Variants in WNK1 observed in about 807,000 individuals in gnomAD.
WNK1 encodes the protein serine/threonine-protein kinase WNK1.
WNK1 carries 38 observed loss-of-function variants against 222.8 expected under a neutral mutation model. That is an observed-to-expected ratio of 0.17 (90% CI 0.13 to 0.22). The LOEUF (loss-of-function observed/expected upper bound fraction) is 0.22, where lower values mean the gene tolerates loss of function less well. Ranked by LOEUF, WNK1 falls within the 10% of genes least tolerant of loss-of-function variation. WNK1 has a pLI of 1.00. For missense variants in WNK1, 2,348 were observed against 2,918.4 expected, an observed-to-expected ratio of 0.80 and a Z score of 4.50; for synonymous variants, 1,090 against 1,092.9, an observed-to-expected ratio of 1.00 and a Z score of 0.05.
chr12:782,970 T>C (rs922374637), intron 1 of WNK1, among the ~76,000 whole-genome samples: 6 of 151,944 alleles, frequency 3.9e-5, no homozygotes, highest in African/African-American at 1.5e-4. Context: ...GGTGCACGAT[T>C]ATGGCTCACT....
Position 865,218 on chromosome 12 carries a change from A to G in WNK1, c.2139+2948A>G, listed in dbSNP as rs1951559238. 5.2e-6 allele frequency: 8 copies of G among 1,535,718 alleles called. No homozygotes were observed. In the South Asian group the frequency reaches 7.1e-5, roughly 14 times the overall value. ...CCACCCCACCGCCAGTACTGTCTGCACCTCTTTCTCCTTCCCTCCTCCGGA... is the reference window on the plus strand; with the variant it reads ...CCACCCCACCGCCAGTACTGTCTGCGCCTCTTTCTCCTTCCCTCCTCCGGA... On this transcript the variant is annotated intron_variant, in intron 8 of 27. Transcript: ENST00000315939.
At chr12:872,887 C>G (rs1451601444) in intron 9 of WNK1, among the ~76,000 whole-genome samples, 2 of 152,216 alleles carry the variant, frequency 1.3e-5, no homozygotes, top group African/African-American at 4.8e-5. Context: ...AAGGCACTTT[C>G]TACAGAAACA....
Position 759,571 on chromosome 12 carries a change from T to G in WNK1, c.759+5247T>G, listed in dbSNP as rs1940720244. On this transcript the variant is annotated intron_variant, in intron 1 of 27. Coordinates refer to ENST00000315939, the MANE Select transcript of WNK1 (RefSeq NM_018979.4). ...GTCTTGAACACCTGACCTCGTGATCTGCCCGCCTTGGCCTCCCAAAGTCCT... is the reference window on the plus strand; with the variant it reads ...GTCTTGAACACCTGACCTCGTGATCGGCCCGCCTTGGCCTCCCAAAGTCCT... Among the ~76,000 whole-genome samples the G allele has an allele frequency of 2.7e-5, 4 of 147,800 alleles. 1 individual carries two copies. The South Asian group carries it at 8.8e-4, about 33-fold the overall frequency.
intron 4 of WNK1, among the ~76,000 whole-genome samples, chr12:832,180 A>G (rs1287407158): frequency 2.6e-5 from 4 of 151,992 alleles, no homozygotes; most frequent in African/African-American, 7.3e-5. Flanking sequence ...GGTTCACGCT[A>G]TTCTCCTGCC....
chr12:803,777 TAAG>T (rs1946097284), intron 1 of WNK1, among the ~76,000 whole-genome samples: 1 of 152,114 alleles, frequency 6.6e-6, no homozygotes, highest in Non-Finnish European at 1.5e-5. Context: ...GGCAAAACAT[TAAG>T]AAGTGACAAA....
chr12:877,387 G>A (rs894788701), intron 9 of WNK1, among the ~76,000 whole-genome samples: 1 of 152,112 alleles, frequency 6.6e-6, no homozygotes, highest in African/African-American at 2.4e-5. Context: ...TTGTTAGACA[G>A]AAGGGGCAGT....
At chr12:856,599 G>C (rs1292131936) in intron 4 of WNK1, among the ~76,000 whole-genome samples, 1 of 152,032 alleles carries the variant, frequency 6.6e-6, no homozygotes, top group Admixed American at 6.6e-5. Flanking sequence ...CTTTCGTATG[G>C]GTCCAATATA....
In WNK1 at chr12:884,372, A is replaced by G; in HGVS notation, c.3844+129A>G. Reference sequence around the variant, plus strand: ...AAAAGAATAGAAAACTGAAGTTATAACCAACAGATAAACATATGGGAGAGG... The same window carrying G: ...AAAAGAATAGAAAACTGAAGTTATAGCCAACAGATAAACATATGGGAGAGG... On this transcript the variant is annotated intron_variant, in intron 18 of 27. Coordinates refer to ENST00000315939, the MANE Select transcript of WNK1 (RefSeq NM_018979.4). The surrounding 1 kb of genome is among the most constrained non-coding windows in gnomAD (Gnocchi z 5.6). 7.1e-7 allele frequency: 1 copy of G among 1,409,036 alleles called. No homozygotes were observed. The highest frequency in any genetic ancestry group is 1.4e-5 in the African/African-American group (1 of 70,224). The allele number at this position is 1,409,036 out of a possible 1,614,324, so 87.3% of individuals were successfully genotyped here.
intron 4 of WNK1, among the ~76,000 whole-genome samples, chr12:845,791 A>T (rs1949985051): frequency 1.3e-5 from 2 of 152,224 alleles, no homozygotes; most frequent in Admixed American, 1.3e-4. Context: ...AACCAGTGAC[A>T]TTCAGCAAAT....
At chr12:869,121 C>T in intron 8 of WNK1, 1 of 1,613,888 alleles carries the variant, frequency 6.2e-7, no homozygotes, top group South Asian at 1.1e-5. Context: ...GGAAAACTTC[C>T]ACAATTATTT....
At chr12:860,040 T>C (rs1951088245) in intron 6 of WNK1, among the ~76,000 whole-genome samples, 1 of 151,924 alleles carries the variant, frequency 6.6e-6, no homozygotes, top group Non-Finnish European at 1.5e-5. Flanking sequence ...AGAAAATATG[T>C]AGATATATAT....
At chr12:825,407 A>G (rs1948271924) in intron 2 of WNK1, among the ~76,000 whole-genome samples, 1 of 152,164 alleles carries the variant, frequency 6.6e-6, no homozygotes, top group Non-Finnish European at 1.5e-5. Flanking sequence ...ACTTTTCACA[A>G]TTTATTTAGG....
chr12:889,270 T>C (rs1953972632), intron 21 of WNK1, 47 bp downstream of exon 21: 1 of 1,485,914 alleles, frequency 6.7e-7, no homozygotes, highest in Non-Finnish European at 9.4e-7. Context: ...CCCTAATATA[T>C]TATATGCCTG....
At chr12:867,605 C>G (rs1402477764) in intron 8 of WNK1, among the ~76,000 whole-genome samples, 1 of 152,118 alleles carries the variant, frequency 6.6e-6, no homozygotes, top group African/African-American at 2.4e-5. Flanking sequence ...TTTAATTCTT[C>G]CATTTCCTTT....
chr12:776,675 C>T lies in WNK1; in HGVS notation c.759+22351C>T, dbSNP rs368714091. Among the ~76,000 whole-genome samples, 7 of 151,374 alleles carry T rather than the reference C, an allele frequency of 4.6e-5. No homozygotes were observed. In the East Asian group the frequency reaches 1.2e-3, roughly 26 times the overall value. On this transcript the variant is annotated intron_variant, in intron 1 of 27. Transcript: ENST00000315939. ...TTGCTCTCTTGACCTCGTGATCTGC[C>T]CGCCTTGGCCTCCCAAAGCGCTGGG...
At chr12:816,301 A>G (rs150019825) in intron 2 of WNK1, among the ~76,000 whole-genome samples, 7 of 152,178 alleles carry the variant, frequency 4.6e-5, no homozygotes, top group Admixed American at 1.3e-4. Flanking sequence ...ACAGGGTCTC[A>G]CTCGGTTGCC....
chr12:820,678 T>C (rs1285507338), intron 2 of WNK1, among the ~76,000 whole-genome samples: 1 of 152,042 alleles, frequency 6.6e-6, no homozygotes, highest in Non-Finnish European at 1.5e-5. Context: ...TCTCAATATA[T>C]TGCTTATGGT....
At chr12:767,727 C>T (rs1941946337) in intron 1 of WNK1, among the ~76,000 whole-genome samples, 1 of 152,106 alleles carries the variant, frequency 6.6e-6, no homozygotes, top group Non-Finnish European at 1.5e-5. Context: ...TGAAGTTTAT[C>T]AGGGAATTTC....
chr12:816,857 C>T (rs553223826), intron 2 of WNK1, among the ~76,000 whole-genome samples: 62 of 152,086 alleles, frequency 4.1e-4, no homozygotes, highest in African/African-American at 1.5e-3. Flanking sequence ...TTAAGGATAT[C>T]ATGGACAAGT....
Sources: gnomAD v4.1 joint callset for allele counts (sites outside exome capture counted in the v4.1 genomes callset) on GRCh38, gnomAD v4.1.1 for gene constraint, Gnocchi (gnomAD v3.1) non-coding constraint, MANE v1.5 for transcripts, NCBI Gene and HGNC (gene_info 2026-07-23, HGNC 2026-07-21) for gene names.